The following AACS variants were observed in gnomAD, a reference collection of about 807,000 sequenced individuals.
AACS encodes acetoacetate-CoA ligase.
A neutral mutation model predicts 83.1 loss-of-function variants in AACS; 69 were observed. The ratio of observed to expected loss-of-function variants is 0.83; its 90% confidence interval spans 0.68 to 1.01. The LOEUF is 1.01. AACS is among the 50% of genes least tolerant of loss of function. The pLI is 0.00. For missense variants in AACS, 866 were observed against 882.2 expected, an observed-to-expected ratio of 0.98 and a Z score of 0.23; for synonymous variants, 333 against 343.4, an observed-to-expected ratio of 0.97 and a Z score of 0.33.
chr12:125,103,318 A>G (rs1956757463), intron 7 of AACS, among the ~76,000 whole-genome samples: 1 of 152,212 alleles, frequency 6.6e-6, no homozygotes, highest in Non-Finnish European at 1.5e-5. Context: ...CACTCTTCCA[A>G]TCTGGTGTCC....
intron 8 of AACS, among the ~76,000 whole-genome samples, chr12:125,108,059 C>T (rs1956871763): frequency 6.6e-6 from 1 of 152,134 alleles, no homozygotes; most frequent in African/African-American, 2.4e-5. Flanking sequence ...GGAATGTGTG[C>T]ACGTGCTGGG....
chr12:125,066,244 A>C (rs1594557661), intron 1 of AACS, among the ~76,000 whole-genome samples: 2 of 151,184 alleles, frequency 1.3e-5, no homozygotes, highest in Admixed American at 6.6e-5. Context: ...ACGTGTCTAC[A>C]CTCCCAGCCC....
At chr12:125,110,354 A>G (rs1956928626) in intron 8 of AACS, among the ~76,000 whole-genome samples, 1 of 152,034 alleles carries the variant, frequency 6.6e-6, no homozygotes. Flanking sequence ...TACAGGCCTG[A>G]GCCGTCACGC....
At chr12:125,068,276 G>C (rs1253810415) in intron 1 of AACS, among the ~76,000 whole-genome samples, 2 of 152,106 alleles carry the variant, frequency 1.3e-5, no homozygotes, top group African/African-American at 4.8e-5. Context: ...GGGCAACATG[G>C]TGAAACCCCC....
At position 125,092,118 on chromosome 12, in the gene AACS, G is replaced by A. The variant is rs1340026268; in HGVS notation, c.570+595G>A. On this transcript the variant is annotated intron_variant, in intron 5 of 17. Transcript: ENST00000316519. ...CCCAGCCTATAGGTCTTTCCACGGG[G>A]CAAATGAAGCAGCCGCAGAGCGGGT... 2.0e-5 allele frequency among the ~76,000 whole-genome samples: 3 copies of A among 152,158 alleles called. No individual in the cohort carries two copies. In the South Asian group the frequency reaches 6.2e-4, roughly 32 times the overall value.
rs754863020 is a variant in AACS at position 125,128,290 on chromosome 12, A to G, written c.1423+16A>G. 1.1e-5 allele frequency: 18 copies of G among 1,603,812 alleles called. No homozygotes were observed. Among genetic ancestry groups the G allele is most frequent in the Non-Finnish European group, 1.4e-5 (17 of 1,173,024 alleles). ...AACGAGGAAGGTGATGGCTCCACCA[A>G]CTGTTTCTTTCTGTGATTAGGCGTG... On this transcript the variant is annotated intron_variant, in intron 13 of 17. Transcript: ENST00000316519.
chr12:125,102,080 C>A (rs374535595), intron 5 of AACS: 6,162 of 126,126 alleles, frequency 0.049, 491 homozygotes, highest in African/African-American at 0.17. Flanking sequence ...AAAAAAAAAA[C>A]AAAAAAAAAA....
At chr12:125,125,126 C>T in intron 12 of AACS, 102 bp downstream of exon 12, 1 of 1,537,100 alleles carries the variant, frequency 6.5e-7, no homozygotes, top group Non-Finnish European at 8.8e-7. Flanking sequence ...ACACAGTCCG[C>T]TGGGCAGCCA....
At chr12:125,086,120 G>A (rs1339882683) in intron 3 of AACS, among the ~76,000 whole-genome samples, 1 of 152,198 alleles carries the variant, frequency 6.6e-6, no homozygotes, top group Non-Finnish European at 1.5e-5. Flanking sequence ...AGCACATGTT[G>A]TTAGTGTATA....
intron 7 of AACS, among the ~76,000 whole-genome samples, chr12:125,104,821 T>A (rs1409134811): frequency 2.0e-5 from 3 of 152,216 alleles, no homozygotes; most frequent in African/African-American, 7.2e-5. Context: ...TGCCTTGCTA[T>A]AAAGAAATAC....
chr12:125,102,386 C>A, intron 5 of AACS: 1 of 315,100 alleles, frequency 3.2e-6, no homozygotes, highest in South Asian at 3.1e-5. Context: ...GTGCTGGGGA[C>A]ACAGGGACCT....
intron 3 of AACS, among the ~76,000 whole-genome samples, chr12:125,086,097 A>G (rs1243177592): frequency 6.6e-6 from 1 of 152,132 alleles, no homozygotes; most frequent in Non-Finnish European, 1.5e-5. Context: ...GGCCTAATAG[A>G]GAATCTTTAC....
At chr12:125,115,260 G>GT (rs1160254486) in intron 9 of AACS, among the ~76,000 whole-genome samples, 4,566 of 132,838 alleles carry the variant, frequency 0.034, 102 homozygotes, top group Non-Finnish European at 0.045. Context: ...TCTGTGCTGA[G>GT]TTTTTTTTTT....
At chr12:125,128,370 A>G in intron 13 of AACS, 96 bp downstream of exon 13, 3 of 1,125,296 alleles carry the variant, frequency 2.7e-6, no homozygotes, top group East Asian at 2.7e-5. Context: ...ATAGTTCTCC[A>G]AAACAGCCCT....
intron 1 of AACS, among the ~76,000 whole-genome samples, chr12:125,072,157 C>CT (rs1244336663): frequency 0.15 from 19,989 of 136,410 alleles, 1,639 homozygotes; most frequent in East Asian, 0.25. Context: ...GCTCCTGGCG[C>CT]TTTTTTTTTT....
chr12:125,085,770 ATT>A (rs1956326030), intron 3 of AACS, among the ~76,000 whole-genome samples: 1 of 152,264 alleles, frequency 6.6e-6, no homozygotes, highest in African/African-American at 2.4e-5. Context: ...CACAATTATA[ATT>A]AAAGGATTCT....
chr12:125,110,549 TC>T (rs1224222730), intron 8 of AACS, among the ~76,000 whole-genome samples: 1 of 152,158 alleles, frequency 6.6e-6, no homozygotes, highest in African/African-American at 2.4e-5. Context: ...CTCTAGGCTC[TC>T]CTCTGGGCCA....
At chr12:125,076,328 A>G (rs907860064) in intron 2 of AACS, among the ~76,000 whole-genome samples, 163 bp from the exon 3 acceptor site, 1 of 152,202 alleles carries the variant, frequency 6.6e-6, no homozygotes, top group Admixed American at 6.5e-5. Context: ...GCCAGTTCAG[A>G]GTTCAGTCCA....
chr12:125,110,551 C>T (rs1956933815), intron 8 of AACS, among the ~76,000 whole-genome samples: 1 of 152,184 alleles, frequency 6.6e-6, no homozygotes, highest in Non-Finnish European at 1.5e-5. Context: ...CTAGGCTCTC[C>T]TCTGGGCCAG....
Sources: gnomAD v4.1 joint callset for allele counts (sites outside exome capture counted in the v4.1 genomes callset) on GRCh38, gnomAD v4.1.1 for gene constraint, MANE v1.5 for transcripts, NCBI Gene and HGNC (gene_info 2026-07-23, HGNC 2026-07-21) for gene names.